SLC6A4: variants seen among roughly 807,000 people sequenced by gnomAD.
SLC6A4 encodes solute carrier family 6 member 4.
SLC6A4 carries 22 observed loss-of-function variants against 73.4 expected under a neutral mutation model. That is an observed-to-expected ratio of 0.30 (90% confidence interval 0.21 to 0.43). The LOEUF (loss-of-function observed/expected upper bound fraction) is 0.43, where lower values mean the gene tolerates loss of function less well. Among genes scored for constraint, SLC6A4 ranks in the 20% least tolerant of loss-of-function variants. The pLI is 1.00. For missense variants in SLC6A4, 593 were observed against 808.5 expected (o/e 0.73, Z 3.23); for synonymous variants, 270 against 315.5 (o/e 0.86, Z 1.53).
chr17:30,218,775 C>T (rs751348461), intron 4 of SLC6A4, 22 bp downstream of exon 4: 3 of 1,612,962 alleles, frequency 1.9e-6, no homozygotes, highest in Non-Finnish European at 1.7e-6. Flanking sequence ...CACTTACCCA[C>T]CCCACCGAGC....
At chr17:30,199,391 C>T (rs528039122) in intron 14 of SLC6A4, among the ~76,000 whole-genome samples, 202 of 151,794 alleles carry the variant, frequency 1.3e-3, no homozygotes, top group African/African-American at 4.7e-3. Context: ...TCTTTGTTGG[C>T]CAAAAGTCTG....
At position 30,211,451 on chromosome 17, in the gene SLC6A4, G is replaced by A; in HGVS notation, c.1205-27C>T. On this transcript the variant is annotated intron_variant, in intron 9 of 14. Coordinates refer to ENST00000650711, the MANE Select transcript of SLC6A4 (RefSeq NM_001045.6). This position sits in a 1 kb window ranked among gnomAD's most constrained non-coding sequence, Gnocchi z 4.0. ...TGAGACAGAGGGGAGAGAGGAGGAG[G>A]TGGTTGACAAGACCTGTCCTACAAA... 1 of 1,449,702 alleles carries A rather than the reference G, an allele frequency of 6.9e-7. No individual in the cohort carries two copies. The highest frequency in any genetic ancestry group is 9.7e-7 in the Non-Finnish European group (1 of 1,030,260). 89.8% of individuals were successfully genotyped at this position (1,449,702 alleles called of 1,614,324 possible). A position where few individuals can be genotyped will look rare whatever the true frequency, so the allele number is the denominator to read the frequency against.
intron 13 of SLC6A4, 26 bp from the exon 14 acceptor site, chr17:30,203,365 T>TA (rs1906093484): frequency 1.9e-6 from 3 of 1,600,430 alleles, no homozygotes; most frequent in Non-Finnish European, 2.6e-6. Context: ...CAAGAAACAT[T>TA]AAAAACCTTA....
At chr17:30,199,667 C>T (rs114038850) in intron 14 of SLC6A4, among the ~76,000 whole-genome samples, 51 of 152,238 alleles carry the variant, frequency 3.4e-4, no homozygotes, top group African/African-American at 1.2e-3. Flanking sequence ...ACCTTAGTAT[C>T]TGTGTACTGA....
Position 30,194,758 on chromosome 17 carries a change from G to A in SLC6A4, c.*3698C>T, listed in dbSNP as rs1905800750. ...CCTTCCTCACCAAATATTTTTGTTT[G>A]GACTGTCAGTGTTTAAAAATTGCTA... is the stretch of plus-strand genomic sequence containing the variant. On this transcript the variant is annotated 3_prime_UTR_variant, in exon 15 of 15. Coordinates refer to ENST00000650711, the MANE Select transcript of SLC6A4 (RefSeq NM_001045.6). 6.6e-6 allele frequency: 1 copy of A among 152,046 alleles called. No homozygotes were observed. The highest frequency in any genetic ancestry group is 2.1e-4 in the South Asian group (1 of 4,820). 9.4% of individuals were successfully genotyped at this position (152,046 alleles called of 1,614,324 possible).
chr17:30,214,980 T>TC lies in SLC6A4; in HGVS notation c.1076+630dup, dbSNP rs1567819013. 4.9e-5 allele frequency among the ~76,000 whole-genome samples: 7 copies of TC among 143,606 alleles called. No individual in the cohort carries two copies. The South Asian group carries it at 8.9e-4, about 18-fold the overall frequency. The allele number at this position is 143,606 out of a possible 152,430, so 94.2% of individuals were successfully genotyped here. On this transcript the variant is annotated intron_variant, in intron 8 of 14. Coordinates refer to ENST00000650711, the MANE Select transcript of SLC6A4 (RefSeq NM_001045.6). ...TTTCCTTCCTTCTTTCTTCTTTCTT[T>TC]CTTTTTCTTTCCTTCCTTCCTTTCT...
chr17:30,230,165 G>T (rs1907069406), intron 1 of SLC6A4, among the ~76,000 whole-genome samples: 1 of 151,808 alleles, frequency 6.6e-6, no homozygotes, highest in Non-Finnish European at 1.5e-5. Context: ...GGAAGAGGAA[G>T]AAGAAGAAGT....
chr17:30,234,722 A>C (rs928298331), intron 1 of SLC6A4, among the ~76,000 whole-genome samples: 34 of 152,232 alleles, frequency 2.2e-4, no homozygotes, highest in African/African-American at 4.8e-5. Context: ...CAGGCTCATA[A>C]ATAATCCATT....
intron 1 of SLC6A4, among the ~76,000 whole-genome samples, chr17:30,227,052 C>T (rs1003860206): frequency 6.6e-6 from 1 of 152,190 alleles, no homozygotes; most frequent in Non-Finnish European, 1.5e-5. Flanking sequence ...CGCTGGCTCG[C>T]CGCGGCGTGT....
chr17:30,207,063 T>C (rs1192780250), intron 13 of SLC6A4, among the ~76,000 whole-genome samples: 2 of 152,108 alleles, frequency 1.3e-5, no homozygotes, highest in Non-Finnish European at 2.9e-5. Context: ...CATAGAACTA[T>C]TGTGAGGATT....
At chr17:30,199,665 A>G (rs1218590898) in intron 14 of SLC6A4, among the ~76,000 whole-genome samples, 1 of 152,200 alleles carries the variant, frequency 6.6e-6, no homozygotes, top group Non-Finnish European at 1.5e-5. Context: ...TGACCTTAGT[A>G]TCTGTGTACT....
Position 30,218,166 on chromosome 17 carries a change from T to C in SLC6A4, c.650A>G (p.Asn217Ser), listed in dbSNP as rs201506679. 6.0e-5 allele frequency: 97 copies of C among 1,614,074 alleles called. No homozygotes were observed. The highest frequency in any genetic ancestry group is 8.0e-5 in the Non-Finnish European group (94 of 1,180,032). ...GNCTNYFSED[N>S]ITWTLHSTSP... ...CGTGGAATGGAGGGTCCAGGTGATG[T>C]TGTCCTCGGAGAAGTAATTGGTGCA... Residue 217 changes from asparagine to serine, a missense_variant, in exon 5 of 15, where the codon AAC becomes AGC. Asn to Ser is a conservative substitution (Grantham distance 46, BLOSUM62 1). Transcript: ENST00000650711.
In SLC6A4 at chr17:30,198,024, G is replaced by A. The variant is rs1219908971; in HGVS notation, c.*432C>T. The stretch of plus-strand genomic sequence containing the variant: ...GCTACTCAGAAAATATATGGCTAGC[G>A]AGATAGCATCCCTGTTCTCTCCTAC... On this transcript the variant is annotated 3_prime_UTR_variant, in exon 15 of 15. Coordinates refer to ENST00000650711, the MANE Select transcript of SLC6A4 (RefSeq NM_001045.6). The A allele has an allele frequency of 1.2e-5, 2 of 166,416 alleles. No homozygotes were observed. Among genetic ancestry groups the A allele is most frequent in the African/African-American group, 2.4e-5 (1 of 41,988 alleles). The allele number at this position is 166,416 out of a possible 1,614,324, so 10.3% of individuals were successfully genotyped here. A position where few individuals can be genotyped will look rare whatever the true frequency, so the allele number is the denominator to read the frequency against.
intron 3 of SLC6A4, among the ~76,000 whole-genome samples, chr17:30,220,822 A>G (rs1906722588): frequency 1.3e-5 from 2 of 152,152 alleles, no homozygotes; most frequent in South Asian, 4.1e-4. Context: ...AGCCTGGAGA[A>G]TGCAGGATGA....
Position 30,218,814 on chromosome 17 carries a change from A to G in SLC6A4, c.461T>C (p.Ile154Thr). The change falls in exon 4 of 15, where the codon ATC (isoleucine) becomes ACC (threonine). Residue 154 changes from isoleucine to threonine, a missense_variant. Coordinates refer to ENST00000650711, the MANE Select transcript of SLC6A4 (RefSeq NM_001045.6). ...RNGCISIWRK[I>T]CPIFKGIGYA... ...TCAGTTACCTTTGAAAATCGGGCAGATTTTCCTCCATATTGAAATGCATCC... is the reference window on the plus strand; with the variant it reads ...TCAGTTACCTTTGAAAATCGGGCAGGTTTTCCTCCATATTGAAATGCATCC... The G allele has an allele frequency of 6.2e-7, 1 of 1,613,932 alleles. No individual in the cohort carries two copies. Among genetic ancestry groups the G allele is most frequent in the Non-Finnish European group, 8.5e-7 (1 of 1,179,976 alleles).
At chr17:30,213,722 G>A (rs1454164389) in intron 8 of SLC6A4, among the ~76,000 whole-genome samples, 1 of 138,944 alleles carries the variant, frequency 7.2e-6, no homozygotes, top group Non-Finnish European at 1.6e-5. Flanking sequence ...TAAGTCTAAA[G>A]ATGATGGGTG....
chr17:30,230,441 C>T (rs1907079411), intron 1 of SLC6A4, among the ~76,000 whole-genome samples: 1 of 152,168 alleles, frequency 6.6e-6, no homozygotes, highest in African/African-American at 2.4e-5. Context: ...CATGTCCACA[C>T]ACAGCTTTTC....
intron 13 of SLC6A4, among the ~76,000 whole-genome samples, chr17:30,204,023 T>C (rs564513703): frequency 6.6e-6 from 1 of 152,324 alleles, no homozygotes; most frequent in South Asian, 2.1e-4. Flanking sequence ...CTGCCACAGG[T>C]CCTCATCATG....
intron 1 of SLC6A4, among the ~76,000 whole-genome samples, chr17:30,223,823 T>C (rs1159648850): frequency 1.3e-5 from 2 of 152,158 alleles, no homozygotes; most frequent in South Asian, 4.2e-4. Context: ...CTGCTCACCA[T>C]TTATGCTACT....
Sources: gnomAD v4.1 joint callset for allele counts (sites outside exome capture counted in the v4.1 genomes callset) on GRCh38, gnomAD v4.1.1 for gene constraint, Gnocchi (gnomAD v3.1) non-coding constraint, MANE v1.5 for transcripts, NCBI Gene and HGNC (gene_info 2026-07-23, HGNC 2026-07-21) for gene names.